The following EVC variants were observed in gnomAD, a reference collection of about 807,000 sequenced individuals.
EVC encodes the protein EvC ciliary complex subunit 1.
EVC carries 116 observed loss-of-function variants against 118.9 expected under a neutral mutation model. The ratio of observed to expected loss-of-function variants is 0.98; its 90% CI spans 0.84 to 1.14. The LOEUF (loss-of-function observed/expected upper bound fraction) is 1.14. EVC is among the 50% of genes most tolerant of loss of function. The pLI is 0.00. For synonymous variants in EVC, 619 were observed against 534.7 expected (o/e 1.16, Z -2.18); for missense variants, 1,401 against 1,246.4 (o/e 1.12, Z -1.87).
rs1714415040 is a variant in EVC, at chr4:5,798,642, G to A, written c.2154G>A (p.Arg718=). The change falls in exon 15 of 21, where the codon CGG becomes CGA. Residue 718 remains arginine, a synonymous_variant. Transcript: ENST00000264956. This position sits in a 1 kb window ranked among gnomAD's most constrained non-coding sequence, Gnocchi z 4.1. Reference sequence around the variant, plus strand: ...TAGAGGAGGAAGCACAGCAGACACGGCTGCAGCTCCAGCAGCGGCTCCTGG... The same window carrying A: ...TAGAGGAGGAAGCACAGCAGACACGACTGCAGCTCCAGCAGCGGCTCCTGG... ...SRLEEEAQQT[R]LQLQQRLLAE... 3.1e-6 allele frequency: 5 copies of A among 1,593,002 alleles called. No individual in the cohort carries two copies. Among genetic ancestry groups the A allele is most frequent in the Non-Finnish European group, 4.3e-6 (5 of 1,171,562 alleles).
Position 5,813,658 on chromosome 4 carries a change from G to T in EVC, c.*2621G>T, listed in dbSNP as rs1218758859. On this transcript the variant is annotated 3_prime_UTR_variant, in exon 21 of 21. Transcript: ENST00000264956. ...TTACCCTGAGCCCAGAGCTCTGAAA[G>T]CATCTGTGGAATGATCACGGGACCC... is the stretch of plus-strand genomic sequence containing the variant. 3.9e-5 allele frequency: 6 copies of T among 152,260 alleles called. No homozygotes were observed. The East Asian group carries it at 1.2e-3, about 30-fold the overall frequency. The allele number at this position is 152,260 out of a possible 1,614,324, so 9.4% of individuals were successfully genotyped here.
At position 5,742,693 on chromosome 4, in the gene EVC, C is replaced by G. The variant is rs1282391806; in HGVS notation, c.801+879C>G. ...TATCATTGTTGTAATTATTGGCATTCTCATTACTACCATCACCGCCATCAT... is the reference window on the plus strand; with the variant it reads ...TATCATTGTTGTAATTATTGGCATTGTCATTACTACCATCACCGCCATCAT... On this transcript the variant is annotated intron_variant, in intron 6 of 20. Transcript: ENST00000264956. The surrounding 1 kb of genome is among the most constrained non-coding windows in gnomAD (Gnocchi z 5.2). 6.6e-6 allele frequency among the ~76,000 whole-genome samples: 1 copy of G among 152,134 alleles called. No homozygotes were observed. Among genetic ancestry groups the G allele is most frequent in the East Asian group, 1.9e-4 (1 of 5,190 alleles).
chr4:5,828,058 G>C, the EVC span: 10 of 985,318 alleles, frequency 1.0e-5, no homozygotes, highest in Non-Finnish European at 1.2e-5. Context: ...AAGATGCCAG[G>C]GGTAACACCT....
rs879816251 is a variant in EVC at position 5,777,835 on chromosome 4, T to TG, written c.1564-5717_1564-5716insG. Among the ~76,000 whole-genome samples, 455 of 99,018 alleles carry TG rather than the reference T, an allele frequency of 4.6e-3. 3 individuals carry two copies. Among genetic ancestry groups the TG allele is most frequent in the Non-Finnish European group, 5.8e-3 (292 of 50,332 alleles). The allele number at this position is 99,018 out of a possible 152,430, so 65.0% of individuals were successfully genotyped here. A position where few individuals can be genotyped will look rare whatever the true frequency, so the allele number is the denominator to read the frequency against. The stretch of plus-strand genomic sequence containing the variant: ...AATTAACATTGATTTGAATGAAATT[T>TG]TTTGTTGTTGTTGTTATTATACTTT... On this transcript the variant is annotated intron_variant, in intron 11 of 20. Transcript: ENST00000264956.
intron 8 of EVC, among the ~76,000 whole-genome samples, chr4:5,751,210 G>A (rs1192180080): frequency 6.6e-6 from 1 of 152,196 alleles, no homozygotes; most frequent in Non-Finnish European, 1.5e-5. Context: ...CAAGGGTCAG[G>A]TGAGGAGCTT....
chr4:5,715,740 C>CCTTTTTTTT lies in EVC; in HGVS notation c.175-3508_175-3507insCTTTTTTTT, dbSNP rs1553860016. ...AATTTCGAAGGCATTTTTCCATTGT[C>CCTTTTTTTT]TTTTTTTTTTTTTTTTTTTTTGAGA... On this transcript the variant is annotated intron_variant, in intron 1 of 20. Transcript: ENST00000264956. 5.1e-4 allele frequency among the ~76,000 whole-genome samples: 36 copies of CCTTTTTTTT among 71,014 alleles called. 15 individuals are homozygous for CCTTTTTTTT. Among genetic ancestry groups the CCTTTTTTTT allele is most frequent in the Admixed American group, 6.2e-4 (4 of 6,472 alleles). The allele number at this position is 71,014 out of a possible 152,430, so 46.6% of individuals were successfully genotyped here.
downstream of EVC, among the ~76,000 whole-genome samples, chr4:5,819,043 G>A (rs1341379897): frequency 3.9e-5 from 6 of 152,278 alleles, no homozygotes; most frequent in South Asian, 2.1e-4. Context: ...CATCTTAATG[G>A]GGGAAAGAAT....
At chr4:5,774,556 A>G (rs973676599) in intron 11 of EVC, among the ~76,000 whole-genome samples, 1 of 152,020 alleles carries the variant, frequency 6.6e-6, no homozygotes, top group African/African-American at 2.4e-5. Context: ...GCTCTAGACT[A>G]TGGGTATCTT....
At chr4:5,808,995 A>G (rs1716463496) in intron 18 of EVC, among the ~76,000 whole-genome samples, 2 of 152,212 alleles carry the variant, frequency 1.3e-5, no homozygotes. Context: ...TTGAGGGTCT[A>G]TGATAGATAG....
chr4:5,796,791 C>G (rs563817131), intron 13 of EVC, among the ~76,000 whole-genome samples: 4 of 151,888 alleles, frequency 2.6e-5, no homozygotes, highest in African/African-American at 9.7e-5. Flanking sequence ...TGTACACATG[C>G]ATTGGACAGC....
intron 1 of EVC, among the ~76,000 whole-genome samples, chr4:5,715,626 TTTG>T (rs1723807773): frequency 1.3e-5 from 2 of 152,354 alleles, no homozygotes; most frequent in Admixed American, 1.3e-4. Context: ...ATGCAACTCT[TTTG>T]AGAACTTCTA....
intron 17 of EVC, 125 bp from the exon 18 acceptor site, chr4:5,808,076 G>A (rs539215346): frequency 5.1e-5 from 40 of 791,274 alleles, no homozygotes; most frequent in African/African-American, 4.9e-4. Context: ...TGGTGCCCCC[G>A]ATGGCCAGGC....
At chr4:5,769,893 C>T (rs890331550) in intron 11 of EVC, among the ~76,000 whole-genome samples, 4 of 152,170 alleles carry the variant, frequency 2.6e-5, no homozygotes, top group Admixed American at 6.5e-5. Flanking sequence ...AAACCACCTT[C>T]ACTTCTTCTG....
rs1374278910 is a variant in EVC, at chr4:5,711,387, C to G, written c.7C>G (p.Arg3Gly). The change falls in exon 1 of 21, where the codon CGC becomes GGC. Residue 3 changes from arginine (R) to glycine (G), a missense_variant. Transcript: ENST00000264956. Reference sequence around the variant, plus strand: ...GGCAGCCTGAGCGCCCCGGATGGCCCGCGGCGGGGCGGCCTGCAAGAGCGA... The same window carrying G: ...GGCAGCCTGAGCGCCCCGGATGGCCGGCGGCGGGGCGGCCTGCAAGAGCGA... Reference protein sequence around the residue: MARGGAACKSDAR... With the variant: MAGGGAACKSDAR... 2 of 1,011,330 alleles carry G rather than the reference C, an allele frequency of 2.0e-6. No homozygotes were observed. Among genetic ancestry groups the G allele is most frequent in the African/African-American group, 3.5e-5 (2 of 57,460 alleles). 62.6% of individuals were successfully genotyped at this position (1,011,330 alleles called of 1,614,324 possible).
At chr4:5,807,281 G>C (rs543184605) in intron 17 of EVC, among the ~76,000 whole-genome samples, 49 of 152,308 alleles carry the variant, frequency 3.2e-4, no homozygotes, top group African/African-American at 1.1e-3. Flanking sequence ...GAGAGGTGGA[G>C]GGATGGATGA....
In EVC at chr4:5,756,163, C is replaced by G; in HGVS notation, c.1465-101C>G. ...GTGTAATACAGGTGCCAACATCCTT[C>G]TTTCTAACCTGAGATGCAGGGGATG... is the stretch of plus-strand genomic sequence containing the variant. On this transcript the variant is annotated intron_variant, in intron 10 of 20. Coordinates refer to ENST00000264956, the MANE Select transcript of EVC (RefSeq NM_153717.3). The surrounding 1 kb of genome is among the most constrained non-coding windows in gnomAD (Gnocchi z 4.2). 1 of 921,784 alleles carries G rather than the reference C, an allele frequency of 1.1e-6. No homozygotes were observed. The highest frequency in any genetic ancestry group is 1.7e-6 in the Non-Finnish European group (1 of 583,262). 57.1% of individuals were successfully genotyped at this position (921,784 alleles called of 1,614,324 possible). A position where few individuals can be genotyped will look rare whatever the true frequency, so the allele number is the denominator to read the frequency against.
Position 5,752,846 on chromosome 4 carries a change from A to C in EVC, c.1109A>C (p.Glu370Ala), listed in dbSNP as rs778032532. The C allele has an allele frequency of 1.2e-6, 2 of 1,614,070 alleles. No individual in the cohort carries two copies. Among genetic ancestry groups the C allele is most frequent in the Admixed American group, 3.3e-5 (2 of 60,016 alleles). Reference protein sequence around the residue: ...SQELQALDALERTMGRAHMAK... With the variant: ...SQELQALDALARTMGRAHMAK... Reference sequence around the variant, plus strand: ...TGTTTCTTTTTGCAGGACGCCCTGGAGAGGACGATGGGGCGGGCGCACATG... The same window carrying C: ...TGTTTCTTTTTGCAGGACGCCCTGGCGAGGACGATGGGGCGGGCGCACATG... The change falls in exon 9 of 21, where the codon GAG becomes GCG. Residue 370 changes from glutamate (E) to alanine (A), a missense_variant. Coordinates refer to ENST00000264956, the MANE Select transcript of EVC (RefSeq NM_153717.3).
chr4:5,802,561 G>A (rs777978222), intron 16 of EVC, among the ~76,000 whole-genome samples: 1 of 143,976 alleles, frequency 6.9e-6, no homozygotes, highest in South Asian at 2.6e-4. Flanking sequence ...TCACCATAAT[G>A]TAGAATCAGT....
chr4:5,727,846 T>A (rs1726119572), intron 2 of EVC, among the ~76,000 whole-genome samples: 1 of 145,346 alleles, frequency 6.9e-6, no homozygotes, highest in African/African-American at 2.6e-5. Flanking sequence ...TCCGCATTGC[T>A]TGTTTTTCTC....
Sources: gnomAD v4.1 joint callset for allele counts (sites outside exome capture counted in the v4.1 genomes callset) on GRCh38, gnomAD v4.1.1 for gene constraint, Gnocchi (gnomAD v3.1) non-coding constraint, MANE v1.5 for transcripts, NCBI Gene and HGNC (gene_info 2026-07-23, HGNC 2026-07-21) for gene names.